B3GLCT: variants seen among roughly 807,000 people sequenced by gnomAD.
The protein encoded by B3GLCT is beta 3-glucosyltransferase, also known as beta-1,3-glucosyltransferase.
B3GLCT carries 65 observed loss-of-function variants against 63.4 expected under a neutral mutation model. The ratio of observed to expected loss-of-function variants is 1.03; its 90% CI spans 0.84 to 1.26. B3GLCT has a LOEUF of 1.26. Among genes scored for constraint, B3GLCT ranks in the 50% most tolerant of loss-of-function variants. The pLI is 0.00. For missense variants in B3GLCT, 577 were observed against 604.8 expected, an observed-to-expected ratio of 0.95 and a Z score of 0.48; for synonymous variants, 233 against 219.2, an observed-to-expected ratio of 1.06 and a Z score of -0.55.
At chr13:31,222,074 ATTT>A (rs5802597) in intron 2 of B3GLCT, among the ~76,000 whole-genome samples, 19 of 92,946 alleles carry the variant, frequency 2.0e-4, no homozygotes, top group Non-Finnish European at 1.3e-4. Flanking sequence ...TGTGCTCCTG[ATTT>A]TTTTTTTTTT....
intron 9 of B3GLCT, among the ~76,000 whole-genome samples, chr13:31,276,207 T>C (rs1424345153): frequency 1.3e-5 from 2 of 152,058 alleles, no homozygotes; most frequent in African/African-American, 4.8e-5. Context: ...GGGTCGCCAG[T>C]AAAGAGGCCG....
At chr13:31,285,308 G>T (rs1422798634) in intron 11 of B3GLCT, among the ~76,000 whole-genome samples, 3 of 152,132 alleles carry the variant, frequency 2.0e-5, no homozygotes, top group Non-Finnish European at 4.4e-5. Context: ...GACTCCAAAA[G>T]GTGGGAGAGT....
chr13:31,206,858 G>C (rs901275478), intron 1 of B3GLCT, among the ~76,000 whole-genome samples: 1 of 152,184 alleles, frequency 6.6e-6, no homozygotes. Flanking sequence ...TGTGTACTTG[G>C]GAAAGGAACT....
chr13:31,247,143 T>A, intron 5 of B3GLCT, 44 bp downstream of exon 5: 1 of 1,444,790 alleles, frequency 6.9e-7, no homozygotes, highest in Non-Finnish European at 9.7e-7. Context: ...CATTCCTACC[T>A]GAACACTTTT....
At chr13:31,269,678 G>A (rs1052532699) in intron 8 of B3GLCT, among the ~76,000 whole-genome samples, 3 of 151,532 alleles carry the variant, frequency 2.0e-5, no homozygotes, top group Non-Finnish European at 4.4e-5. Context: ...CTGAGCCCCA[G>A]TGAAATGGTC....
At chr13:31,204,567 GGGGCCAGGTTGGGTA>G (rs1364564602) in intron 1 of B3GLCT, among the ~76,000 whole-genome samples, 1 of 152,152 alleles carries the variant, frequency 6.6e-6, no homozygotes, top group Non-Finnish European at 1.5e-5. Flanking sequence ...AAGATCATTA[GGGGCCAGGTTGGGTA>G]GGGCCTTGCA....
chr13:31,238,895 G>A (rs115545851), intron 4 of B3GLCT, among the ~76,000 whole-genome samples: 6,648 of 152,304 alleles, frequency 0.044, 159 homozygotes, highest in Non-Finnish European at 0.051. Context: ...TGACGATAAC[G>A]TGTTTGAAGC....
chr13:31,299,679 C>T (rs7994976), intron 12 of B3GLCT, among the ~76,000 whole-genome samples: 107,552 of 152,040 alleles, frequency 0.71, 38,924 homozygotes, highest in Middle Eastern at 0.8. Flanking sequence ...TGCCTGCTGC[C>T]GTACCCCCAT....
intron 10 of B3GLCT, chr13:31,283,428 T>A (rs1251883687): frequency 2.6e-5 from 4 of 152,172 alleles, no homozygotes; most frequent in Non-Finnish European, 5.9e-5. Flanking sequence ...TCTTTTTTCC[T>A]TTTTTTGTCC....
At chr13:31,228,186 G>A (rs1179454364) in intron 3 of B3GLCT, among the ~76,000 whole-genome samples, 7 of 145,986 alleles carry the variant, frequency 4.8e-5, no homozygotes, top group African/African-American at 1.8e-4. Flanking sequence ...AGGACTTCAC[G>A]CTAAAGCCCT....
In B3GLCT at chr13:31,274,500, T is replaced by C; in HGVS notation, c.661-9T>C. The stretch of plus-strand genomic sequence containing the variant: ...CTTTCATCACTGCCTGTCTCCTGTC[T>C]CGTGGCAGATTGCCCTCTACATCTG... On this transcript the variant is annotated splice_polypyrimidine_tract_variant and intron_variant, in intron 8 of 14. Transcript: ENST00000343307. 6.2e-7 allele frequency: 1 copy of C among 1,614,212 alleles called. No homozygotes were observed. Among genetic ancestry groups the C allele is most frequent in the Non-Finnish European group, 8.5e-7 (1 of 1,180,024 alleles).
chr13:31,250,151 G>A (rs1217526952), intron 6 of B3GLCT, among the ~76,000 whole-genome samples: 1 of 151,962 alleles, frequency 6.6e-6, no homozygotes, highest in African/African-American at 2.4e-5. Flanking sequence ...ATTTTATGAG[G>A]TGTGTTGACT....
intron 7 of B3GLCT, among the ~76,000 whole-genome samples, chr13:31,263,814 A>G (rs1872162377): frequency 6.6e-6 from 1 of 152,154 alleles, no homozygotes; most frequent in Non-Finnish European, 1.5e-5. Flanking sequence ...GCGGTTTCAC[A>G]TCTCCCTTTC....
intron 12 of B3GLCT, among the ~76,000 whole-genome samples, chr13:31,297,558 C>G (rs1191101137): frequency 6.6e-6 from 1 of 152,090 alleles, no homozygotes; most frequent in Non-Finnish European, 1.5e-5. Flanking sequence ...GAGAGTTCTC[C>G]TACCCACCAA....
rs542299908 is a variant in B3GLCT, at chr13:31,216,639, C to G, written c.120+1539C>G. ...CAAATAGACCCCAGTGTCTATTGTT[C>G]CCTTATTTGTGTCCATGTGTACACT... is the stretch of plus-strand genomic sequence containing the variant. On this transcript the variant is annotated intron_variant, in intron 2 of 14. Transcript: ENST00000343307. Among the ~76,000 whole-genome samples, 468 of 152,300 alleles carry G rather than the reference C, an allele frequency of 3.1e-3. 3 individuals carry two copies. Among genetic ancestry groups the G allele is most frequent in the African/African-American group, 0.011 (446 of 41,564 alleles).
intron 11 of B3GLCT, among the ~76,000 whole-genome samples, chr13:31,285,241 G>C (rs10507402): frequency 0.049 from 7,425 of 152,098 alleles, 267 homozygotes; most frequent in Middle Eastern, 0.082. Flanking sequence ...TCAAATTGCA[G>C]GCTTTCTAAT....
rs781180910 is a variant in B3GLCT, at chr13:31,274,554, C to A, written c.706C>A (p.Pro236Thr). The change falls in exon 9 of 15, where the codon CCA becomes ACA. Residue 236 changes from proline (P) to threonine (T), a missense_variant. Transcript: ENST00000343307. ...CAAAGGCGGAGGACCTCCCCTGACCCCAGTGCCTGAGTTTTGTACCAATGA... is the reference window on the plus strand; with the variant it reads ...CAAAGGCGGAGGACCTCCCCTGACCACAGTGCCTGAGTTTTGTACCAATGA... ...WDKGGGPPLTPVPEFCTNDVD... is the reference protein window; with the variant it reads ...WDKGGGPPLTTVPEFCTNDVD... The A allele has an allele frequency of 6.2e-7, 1 of 1,614,182 alleles. No individual in the cohort carries two copies. The highest frequency in any genetic ancestry group is 1.1e-5 in the South Asian group (1 of 91,086).
chr13:31,319,544 A>G (rs1227056131), intron 13 of B3GLCT, among the ~76,000 whole-genome samples: 1 of 152,218 alleles, frequency 6.6e-6, no homozygotes, highest in African/African-American at 2.4e-5. Context: ...CTTGCTTTCC[A>G]GAGCGCCATC....
intron 4 of B3GLCT, among the ~76,000 whole-genome samples, chr13:31,231,192 G>A (rs1870364358): frequency 6.6e-6 from 1 of 152,088 alleles, no homozygotes. Context: ...CAGGGAGGAG[G>A]AGGAGCCAGG....
Sources: allele counts gnomAD v4.1 joint callset (sites outside exome capture counted in the v4.1 genomes callset), GRCh38; gene constraint gnomAD v4.1.1; transcripts MANE v1.5; gene names NCBI Gene and HGNC (gene_info 2026-07-23, HGNC 2026-07-21).